The following FHL1 variants were observed in gnomAD, a reference collection of about 807,000 sequenced individuals.
FHL1 encodes the protein four and a half LIM domains 1.
In FHL1, 1 loss-of-function variant was observed where a neutral mutation model predicts 20.3. The observed-to-expected ratio is 0.05, with a 90% CI of 0.02 to 0.23. The LOEUF (loss-of-function observed/expected upper bound fraction) is 0.23, where lower values mean the gene tolerates loss of function less well. FHL1 is among the 10% of genes least tolerant of loss of function. The pLI is 1.00. For missense variants in FHL1, 177 were observed against 234.0 expected (o/e 0.76, Z 1.59); for synonymous variants, 82 against 88.9 (o/e 0.92, Z 0.44).
intron 1 of FHL1, among the ~76,000 whole-genome samples, chrX:136,159,779 A>T: frequency 8.9e-6 from 1 of 111,881 alleles, no homozygotes; most frequent in Non-Finnish European, 1.9e-5. Context: ...TTGAAACATC[A>T]TGCCATCTTT....
chrX:136,162,150 G>A (rs2072587775), intron 1 of FHL1, among the ~76,000 whole-genome samples: 1 of 95,173 alleles, frequency 1.1e-5, no homozygotes, highest in African/African-American at 3.7e-5. Flanking sequence ...AAAAGTACTA[G>A]CGATCTCTTC....
rs1260218938 is a variant in FHL1, at chrX:136,184,735, C to G, written c.-27+14755C>G. Among the ~76,000 whole-genome samples, 5 of 111,201 alleles carry G rather than the reference C, an allele frequency of 4.5e-5. No individual in the cohort carries two copies. In the East Asian group the frequency reaches 1.4e-3, roughly 31 times the overall value. On this transcript the variant is annotated intron_variant, in intron 2 of 6. Transcript: ENST00000394153. ...GTGTGAGTCATATGAAAAATTAAGT[C>G]TACTTGAAAAATCAAAAGACATTAC... is the stretch of plus-strand genomic sequence containing the variant.
upstream of FHL1, among the ~76,000 whole-genome samples, chrX:136,193,082 TAAAAA>T (rs57788194): frequency 1.0e-5 from 1 of 95,542 alleles, no homozygotes; most frequent in African/African-American, 3.8e-5. Context: ...AAGAGTCATG[TAAAAA>T]AAAAAAAAAA....
At chrX:136,158,552 C>T (rs1030040646) in intron 1 of FHL1, among the ~76,000 whole-genome samples, 21 of 111,179 alleles carry the variant, frequency 1.9e-4, no homozygotes, top group African/African-American at 6.9e-4. Flanking sequence ...ATGAGAAAGC[C>T]ATTTTTATAA....
chrX:136,197,849 T>C (rs1053245620), intron 1 of FHL1, among the ~76,000 whole-genome samples: 1 of 112,010 alleles, frequency 8.9e-6, no homozygotes, highest in African/African-American at 3.2e-5. Flanking sequence ...TGTGGCCCTG[T>C]GGCCCTCTGC....
intron 1 of FHL1, among the ~76,000 whole-genome samples, chrX:136,151,993 C>T (rs1319938671): frequency 3.6e-5 from 4 of 111,667 alleles, no homozygotes; most frequent in East Asian, 2.8e-4. Flanking sequence ...ATCTCCCTTG[C>T]GGCATGCATC....
intron 1 of FHL1, among the ~76,000 whole-genome samples, chrX:136,156,272 T>C (rs2072413547): frequency 9.1e-6 from 1 of 109,672 alleles, no homozygotes; most frequent in Non-Finnish European, 1.9e-5. Flanking sequence ...AGACATTAAA[T>C]GTTCTATAGC....
At chrX:136,181,709 GT>G (rs1372178610) in intron 2 of FHL1, among the ~76,000 whole-genome samples, 1 of 111,930 alleles carries the variant, frequency 8.9e-6, no homozygotes. Flanking sequence ...GTTTTTAAAG[GT>G]TTTGCTGATG....
At chrX:136,209,396 T>G in intron 5 of FHL1, 1 of 1,210,610 alleles carries the variant, frequency 8.3e-7, no homozygotes, top group Non-Finnish European at 1.1e-6. Flanking sequence ...TCGTGGGTGG[T>G]GGTTCTTTAT....
intron 5 of FHL1, among the ~76,000 whole-genome samples, chrX:136,208,982 G>C (rs1298966656): frequency 9.4e-6 from 1 of 106,505 alleles, no homozygotes; most frequent in African/African-American, 3.4e-5. Flanking sequence ...GGGTGGGGAA[G>C]GGGTAAGGGA....
intron 2 of FHL1, among the ~76,000 whole-genome samples, chrX:136,183,553 G>A (rs1029071887): frequency 3.6e-5 from 4 of 111,720 alleles, no homozygotes; most frequent in Non-Finnish European, 5.6e-5. Flanking sequence ...TTTTATTAGC[G>A]TTTAGATGTT....
At chrX:136,180,640 A>T (rs1327632128) in intron 2 of FHL1, among the ~76,000 whole-genome samples, 2 of 112,898 alleles carry the variant, frequency 1.8e-5, no homozygotes, top group African/African-American at 6.4e-5. Flanking sequence ...AACTATTTTT[A>T]AAAACACTAA....
upstream of FHL1, among the ~76,000 whole-genome samples, chrX:136,167,681 T>C (rs953469306): frequency 8.9e-6 from 1 of 111,753 alleles, no homozygotes; most frequent in African/African-American, 3.3e-5. Flanking sequence ...TTTCCCCACC[T>C]GTAGCCCTTC....
chrX:136,200,990 T>G (rs1174381507), intron 1 of FHL1, among the ~76,000 whole-genome samples: 1 of 110,870 alleles, frequency 9.0e-6, no homozygotes, highest in Non-Finnish European at 1.9e-5. Context: ...ATGCTGAAAC[T>G]CTGTCTCTAC....
chrX:136,175,734 T>C (rs1339522969), intron 2 of FHL1, among the ~76,000 whole-genome samples: 2 of 112,392 alleles, frequency 1.8e-5, no homozygotes, highest in Non-Finnish European at 3.8e-5. Context: ...AAATGCAGGA[T>C]GCAAAATTGT....
chrX:136,163,382 T>C (rs916125765), intron 1 of FHL1, among the ~76,000 whole-genome samples: 1 of 112,106 alleles, frequency 8.9e-6, no homozygotes, highest in Admixed American at 9.5e-5. Context: ...ACTTGGCCTT[T>C]AGATTACAAT....
At chrX:136,202,750 G>A (rs1002316179) in intron 1 of FHL1, among the ~76,000 whole-genome samples, 9 of 111,827 alleles carry the variant, frequency 8.0e-5, no homozygotes, top group African/African-American at 2.6e-4. Context: ...GCGAGACTCC[G>A]TCTAAAATAA....
intron 2 of FHL1, among the ~76,000 whole-genome samples, chrX:136,179,490 G>A (rs1348233051): frequency 8.9e-6 from 1 of 111,875 alleles, no homozygotes; most frequent in Non-Finnish European, 1.9e-5. Flanking sequence ...AAAGAGTAAA[G>A]GATTTGGTCA....
intron 1 of FHL1, among the ~76,000 whole-genome samples, chrX:136,153,023 T>C (rs1024448268): frequency 8.9e-6 from 1 of 112,192 alleles, no homozygotes; most frequent in Non-Finnish European, 1.9e-5. Flanking sequence ...AGGGCTGTCC[T>C]GTAGAACTTA....
Sources: gnomAD v4.1 joint callset for allele counts (sites outside exome capture counted in the v4.1 genomes callset) on GRCh38, gnomAD v4.1.1 for gene constraint, MANE v1.5 for transcripts, NCBI Gene and HGNC (gene_info 2026-07-23, HGNC 2026-07-21) for gene names.